TMEM94: variants seen among roughly 807,000 people sequenced by gnomAD.
TMEM94 encodes the protein ER Mg2+ ATPase.
In TMEM94, 81 loss-of-function variants were observed where a neutral mutation model predicts 158.6. That is an observed-to-expected ratio of 0.51 (90% CI 0.43 to 0.61). The LOEUF (loss-of-function observed/expected upper bound fraction) is 0.61, where lower values mean the gene tolerates loss of function less well. TMEM94 is among the 20% of genes least tolerant of loss of function. TMEM94 has a pLI of 0.00. For synonymous variants in TMEM94, 751 were observed against 730.7 expected (o/e 1.03, Z -0.45); for missense variants, 1,435 against 1,762.0 (o/e 0.81, Z 3.32).
chr17:75,485,509 G>A lies in TMEM94; in HGVS notation c.106G>A (p.Gly36Arg). ...LKEQLEAVLE[G>R]HLRERKKCLT... is the part of the protein sequence containing the mutation. ...GGAGCAGCTGGAGGCAGTGCTGGAA[G>A]GACATCTCAGGGAGCGGAAGAAGTG... is the stretch of plus-strand genomic sequence containing the variant. The change falls in exon 3 of 32, where the codon GGA becomes AGA. Residue 36 changes from glycine (G) to arginine (R), a missense_variant. Physicochemically the swap from Gly to Arg is moderately radical, Grantham distance 125. Transcript: ENST00000314256. This position sits in a 1 kb window ranked among gnomAD's most constrained non-coding sequence, Gnocchi z 5.5. 6.2e-7 allele frequency: 1 copy of A among 1,614,210 alleles called. No individual in the cohort carries two copies. Among genetic ancestry groups the A allele is most frequent in the Non-Finnish European group, 8.5e-7 (1 of 1,180,028 alleles).
chr17:75,462,017 T>G (rs1265073596), intron 1 of TMEM94, among the ~76,000 whole-genome samples: 7 of 127,420 alleles, frequency 5.5e-5, no homozygotes, highest in African/African-American at 1.9e-4. Flanking sequence ...TTTTGTTTTT[T>G]TTTTTTTTGA....
At chr17:75,463,037 AATATATATATATATATATATATAT>A (rs1179092824) in intron 1 of TMEM94, among the ~76,000 whole-genome samples, 64 of 2,970 alleles carry the variant, frequency 0.022, no homozygotes, top group Non-Finnish European at 0.03. Flanking sequence ...AAAAAAAAAA[AATATATATATATATATATATATAT>A]ATATATATAT....
At position 75,498,038 on chromosome 17, in the gene TMEM94, A is replaced by G; in HGVS notation, c.3490-137A>G. 1 of 1,265,450 alleles carries G rather than the reference A, an allele frequency of 7.9e-7. No homozygotes were observed. The highest frequency in any genetic ancestry group is 1.1e-6 in the Non-Finnish European group (1 of 903,880). The allele number at this position is 1,265,450 out of a possible 1,614,324, so 78.4% of individuals were successfully genotyped here. A position where few individuals can be genotyped will look rare whatever the true frequency, so the allele number is the denominator to read the frequency against. On this transcript the variant is annotated intron_variant, in intron 27 of 31. Coordinates refer to ENST00000314256, the MANE Select transcript of TMEM94 (RefSeq NM_014738.6). This position sits in a 1 kb window ranked among gnomAD's most constrained non-coding sequence, Gnocchi z 6.7. ...GGAGGTAGTGGCACAGAGCTGGGAA[A>G]GACCCTTGCTGGGGCTTGAGCTCCC...
At chr17:75,477,566 G>C (rs943941369) in intron 2 of TMEM94, among the ~76,000 whole-genome samples, 1 of 152,110 alleles carries the variant, frequency 6.6e-6, no homozygotes, top group African/African-American at 2.4e-5. Context: ...CTAATTAGTA[G>C]TTATCTGCTG....
At chr17:75,458,907 A>T (rs2049976591) in intron 1 of TMEM94, among the ~76,000 whole-genome samples, 1 of 151,938 alleles carries the variant, frequency 6.6e-6, no homozygotes, top group South Asian at 2.1e-4. Flanking sequence ...AATGCAAAAA[A>T]TTAGCTGGGT....
chr17:75,486,367 A>C lies in TMEM94; in HGVS notation c.350A>C (p.Asp117Ala), dbSNP rs777712408. The C allele has an allele frequency of 6.2e-7, 1 of 1,614,190 alleles. No individual in the cohort carries two copies. The highest frequency in any genetic ancestry group is 8.5e-7 in the Non-Finnish European group (1 of 1,180,018). The change falls in exon 5 of 32, where the codon GAC (aspartate) becomes GCC (alanine). Residue 117 changes from aspartate (D) to alanine (A), a missense_variant. Asp to Ala is a moderately radical substitution (Grantham distance 126). Around this residue, in one of 3 missense-constraint regions of TMEM94, gnomAD observed 1,051 missense variants for 1,254.4 expected, o/e 0.84. Coordinates refer to ENST00000314256, the MANE Select transcript of TMEM94 (RefSeq NM_014738.6). ...LLNLVLIGRQ[D>A]RLKRREVERR... is the part of the protein sequence containing the mutation. ...AACCTTGTGCTCATCGGGCGGCAAG[A>C]CCGGCTGAAGCGTCGGGAGGTAGAG...
At chr17:75,484,536 G>A (rs1317142949) in intron 2 of TMEM94, among the ~76,000 whole-genome samples, 1 of 151,758 alleles carries the variant, frequency 6.6e-6, no homozygotes, top group African/African-American at 2.4e-5. Flanking sequence ...GTAGCTGGGT[G>A]CATGCCACTA....
intron 1 of TMEM94, among the ~76,000 whole-genome samples, chr17:75,466,073 C>T (rs1054459636): frequency 2.6e-5 from 4 of 152,094 alleles, no homozygotes; most frequent in African/African-American, 4.8e-5. Context: ...CGTGCTCCAC[C>T]AGACCTGGCT....
At chr17:75,462,929 G>A in intron 1 of TMEM94, among the ~76,000 whole-genome samples, 1 of 139,054 alleles carries the variant, frequency 7.2e-6, no homozygotes, top group Non-Finnish European at 1.5e-5. Flanking sequence ...TGAGACTGCA[G>A]TTGCAGTTAG....
intron 16 of TMEM94, 177 bp from the exon 17 acceptor site, chr17:75,493,314 G>A: frequency 1.2e-6 from 1 of 823,408 alleles, no homozygotes. Context: ...TGGGAATATG[G>A]TGTCTGCATT....
Position 75,491,629 on chromosome 17 carries a change from C to A in TMEM94, c.1387-62C>A. ...ACAAGGCAGCCAGGGGACCTAGAAG[C>A]ATCCTGCCTCCCCAGGCCATGGGAG... On this transcript the variant is annotated intron_variant, in intron 13 of 31. Transcript: ENST00000314256. This position sits in a 1 kb window ranked among gnomAD's most constrained non-coding sequence, Gnocchi z 5.1. 6.4e-7 allele frequency: 1 copy of A among 1,570,890 alleles called. No individual in the cohort carries two copies. The highest frequency in any genetic ancestry group is 8.7e-7 in the Non-Finnish European group (1 of 1,146,474).
chr17:75,460,438 T>A (rs2050025914), intron 1 of TMEM94, among the ~76,000 whole-genome samples: 1 of 152,002 alleles, frequency 6.6e-6, no homozygotes, highest in Admixed American at 6.6e-5. Context: ...TTCATTATGT[T>A]GACGTGAAAG....
At chr17:75,490,663 C>T (rs1268596404) in intron 10 of TMEM94, 39 bp from the exon 11 acceptor site, 19 of 1,588,358 alleles carry the variant, frequency 1.2e-5, no homozygotes, top group East Asian at 2.2e-5. Flanking sequence ...GTGAAGGCGG[C>T]GTTTTCCTCA....
chr17:75,473,303 C>T (rs190205994), intron 2 of TMEM94, among the ~76,000 whole-genome samples: 1 of 152,318 alleles, frequency 6.6e-6, no homozygotes, highest in African/African-American at 2.4e-5. Flanking sequence ...CAGATATCCA[C>T]CCTAGCAGTG....
intron 2 of TMEM94, among the ~76,000 whole-genome samples, chr17:75,484,241 T>A (rs1237185063): frequency 6.6e-6 from 1 of 152,172 alleles, no homozygotes; most frequent in Non-Finnish European, 1.5e-5. Flanking sequence ...CTCTCTTTCA[T>A]GAAATGGTAG....
intron 1 of TMEM94, among the ~76,000 whole-genome samples, chr17:75,461,869 G>A (rs373279753): frequency 6.7e-6 from 1 of 149,840 alleles, no homozygotes; most frequent in South Asian, 2.1e-4. Flanking sequence ...AGTCGAGATC[G>A]TGCCACTGCA....
At chr17:75,467,068 G>A (rs1212999560) in intron 1 of TMEM94, among the ~76,000 whole-genome samples, 1 of 148,302 alleles carries the variant, frequency 6.7e-6, no homozygotes, top group Admixed American at 6.8e-5. Context: ...TCTGCCTCCC[G>A]GGTTCAAGTG....
intron 2 of TMEM94, among the ~76,000 whole-genome samples, chr17:75,474,532 T>C (rs62091797): frequency 5.3e-5 from 8 of 151,936 alleles, no homozygotes; most frequent in Non-Finnish European, 1.2e-4. Flanking sequence ...TCCCAGCTAT[T>C]TGGGAGGCTG....
At chr17:75,474,605 C>G (rs1476837020) in intron 2 of TMEM94, among the ~76,000 whole-genome samples, 2 of 152,154 alleles carry the variant, frequency 1.3e-5, no homozygotes, top group Non-Finnish European at 2.9e-5. Context: ...TGAGGTCACA[C>G]CACTGCACTC....
Sources: allele counts gnomAD v4.1 joint callset (sites outside exome capture counted in the v4.1 genomes callset), GRCh38; gene constraint gnomAD v4.1.1; regional missense constraint gnomAD v4.1.1; non-coding constraint Gnocchi (gnomAD v3.1); transcripts MANE v1.5; gene names NCBI Gene and HGNC (gene_info 2026-07-23, HGNC 2026-07-21).